The following ANKRD55 variants were observed in gnomAD, a reference collection of about 807,000 sequenced individuals.
ANKRD55 encodes the protein ankyrin repeat domain-containing protein 55.
ANKRD55 carries 41 observed loss-of-function variants against 60.6 expected under a neutral mutation model. The ratio of observed to expected loss-of-function variants is 0.68; its 90% CI spans 0.53 to 0.88. The LOEUF (loss-of-function observed/expected upper bound fraction) is 0.88, where lower values mean the gene tolerates loss of function less well. Among genes scored for constraint, ANKRD55 ranks in the 40% least tolerant of loss-of-function variants. The pLI, the probability that ANKRD55 is intolerant of heterozygous loss-of-function variation, is 0.00. For missense variants in ANKRD55, 732 were observed against 767.6 expected (o/e 0.95, Z 0.55); for synonymous variants, 264 against 290.3 (o/e 0.91, Z 0.92).
At position 56,182,160 on chromosome 5, in the gene ANKRD55, A is replaced by C. The variant is rs1325625372; in HGVS notation, c.181+1352T>G. On this transcript the variant is annotated intron_variant, in intron 3 of 11. Transcript: ENST00000341048. ...TGAGGTGGCTCATATCTATAATCTT[A>C]GCACTTTGGGAGGCCAAGGTGGGAG... 2.0e-5 allele frequency among the ~76,000 whole-genome samples: 3 copies of C among 152,176 alleles called. 1 individual carries two copies.
At chr5:56,166,778 A>T (rs555517323) in intron 5 of ANKRD55, among the ~76,000 whole-genome samples, 5 of 129,546 alleles carry the variant, frequency 3.9e-5, no homozygotes, top group African/African-American at 1.4e-4. Flanking sequence ...TAGTAAAATT[A>T]AAAAAAATGA....
chr5:56,145,802 C>G (rs745758293), intron 6 of ANKRD55, among the ~76,000 whole-genome samples: 1 of 152,126 alleles, frequency 6.6e-6, no homozygotes, highest in South Asian at 2.1e-4. Context: ...TATCATATGA[C>G]AGTGAACCTC....
At chr5:56,169,571 C>T (rs1444059780) in intron 5 of ANKRD55, among the ~76,000 whole-genome samples, 4 of 151,858 alleles carry the variant, frequency 2.6e-5, no homozygotes, top group Admixed American at 1.3e-4. Flanking sequence ...TCTGTTATTT[C>T]TGGACATAGT....
At chr5:56,176,693 G>C (rs1216295065) in intron 3 of ANKRD55, among the ~76,000 whole-genome samples, 1 of 152,108 alleles carries the variant, frequency 6.6e-6, no homozygotes, top group African/African-American at 2.4e-5. Flanking sequence ...AGGTGTTAAG[G>C]GGCAGCAACA....
chr5:56,192,040 C>A (rs1204820906), intron 2 of ANKRD55, among the ~76,000 whole-genome samples: 5 of 151,860 alleles, frequency 3.3e-5, no homozygotes, highest in African/African-American at 1.2e-4. Flanking sequence ...CAATCAGAAA[C>A]CCACTTATTA....
chr5:56,228,621 C>T (rs1760175111), intron 2 of ANKRD55, among the ~76,000 whole-genome samples: 6 of 152,048 alleles, frequency 3.9e-5, no homozygotes, highest in Admixed American at 3.9e-4. Flanking sequence ...GACAGGGTTT[C>T]ACCATGTTGG....
At chr5:56,217,673 T>C (rs1418145338) in intron 2 of ANKRD55, among the ~76,000 whole-genome samples, 1 of 152,108 alleles carries the variant, frequency 6.6e-6, no homozygotes, top group Non-Finnish European at 1.5e-5. Context: ...GGCGGGTGTA[T>C]CATGAAGTCA....
In ANKRD55 at chr5:56,100,121, T is replaced by C; in HGVS notation, c.*62A>G. 6.2e-7 allele frequency: 1 copy of C among 1,610,084 alleles called. No homozygotes were observed. Among genetic ancestry groups the C allele is most frequent in the Non-Finnish European group, 8.5e-7 (1 of 1,177,148 alleles). On this transcript the variant is annotated 3_prime_UTR_variant, in exon 12 of 12. Transcript: ENST00000341048. Reference sequence around the variant, plus strand: ...TCTTCGTTCTTACAAACTGGAGTAATCTTGTCCTTTGAGAGTTGAAAATAC... The same window carrying C: ...TCTTCGTTCTTACAAACTGGAGTAACCTTGTCCTTTGAGAGTTGAAAATAC...
chr5:56,206,251 A>T (rs1384102669), intron 2 of ANKRD55, among the ~76,000 whole-genome samples: 2 of 152,090 alleles, frequency 1.3e-5, no homozygotes, highest in African/African-American at 4.8e-5. Context: ...TGCTGGGATT[A>T]CAAGCATGAG....
In ANKRD55 at chr5:56,111,297, G is replaced by A; in HGVS notation, c.1451C>T (p.Thr484Ile). 1 of 1,614,162 alleles carries A rather than the reference G, an allele frequency of 6.2e-7. No homozygotes were observed. The highest frequency in any genetic ancestry group is 8.5e-7 in the Non-Finnish European group (1 of 1,180,038). The change falls in exon 10 of 12, where the codon ACT (threonine) becomes ATT (isoleucine). Residue 484 changes from threonine (T) to isoleucine (I), a missense_variant. Thr to Ile is a moderately conservative substitution (Grantham distance 89, BLOSUM62 -1). Transcript: ENST00000341048. ...RSEQDLLNNR[T>I]GCQMLLDNPW... is the part of the protein sequence containing the mutation. ...GTTATCTAGTAACATCTGGCAGCCA[G>A]TTCTGTTATTTAATAAATCCTGCTC...
At chr5:56,202,996 CTT>C (rs1759414952) in intron 2 of ANKRD55, among the ~76,000 whole-genome samples, 1 of 152,096 alleles carries the variant, frequency 6.6e-6, no homozygotes, top group African/African-American at 2.4e-5. Context: ...TTAAAAATAT[CTT>C]AATCTTTATG....
Position 56,111,706 on chromosome 5 carries a change from G to C in ANKRD55, c.1042C>G (p.Gln348Glu), listed in dbSNP as rs551715515. 1 of 1,521,832 alleles carries C rather than the reference G, an allele frequency of 6.6e-7. No individual in the cohort carries two copies. Among genetic ancestry groups the C allele is most frequent in the Non-Finnish European group, 8.8e-7 (1 of 1,140,066 alleles). 94.3% of individuals were successfully genotyped at this position (1,521,832 alleles called of 1,614,324 possible). Residue 348 changes from glutamine (Q) to glutamate (E), a missense_variant, in exon 10 of 12, where the codon CAA (glutamine) becomes GAA (glutamate). By Grantham distance (29) the Gln-to-Glu change is conservative. Transcript: ENST00000341048. ...KKERRFNVLN[Q>E]IFCKNKKEEQ... ...TCTTTCTTGTTTTTGCAGAATATTT[G>C]GTTGAGCACGTTGAACCGTCTCTCC...
At chr5:56,165,649 G>A (rs567991883) in intron 5 of ANKRD55, among the ~76,000 whole-genome samples, 3 of 152,148 alleles carry the variant, frequency 2.0e-5, no homozygotes, top group Admixed American at 2.0e-4. Flanking sequence ...TACTTACTTC[G>A]CCAGGTGTGG....
At chr5:56,129,737 T>C (rs952334190) in intron 7 of ANKRD55, among the ~76,000 whole-genome samples, 2 of 152,202 alleles carry the variant, frequency 1.3e-5, no homozygotes, top group Non-Finnish European at 2.9e-5. Flanking sequence ...GGTTTCTTCT[T>C]GGCAGGAACT....
At chr5:56,184,820 C>G (rs768017029) in intron 2 of ANKRD55, among the ~76,000 whole-genome samples, 1 of 151,524 alleles carries the variant, frequency 6.6e-6, no homozygotes, top group Non-Finnish European at 1.5e-5. Flanking sequence ...ATTGCTTGAG[C>G]CCCAGAGTTC....
At chr5:56,122,495 A>C (rs1251348114) in intron 8 of ANKRD55, among the ~76,000 whole-genome samples, 1 of 151,654 alleles carries the variant, frequency 6.6e-6, no homozygotes, top group Non-Finnish European at 1.5e-5. Flanking sequence ...TACTAAAAAA[A>C]AAACAAACCC....
intron 5 of ANKRD55, among the ~76,000 whole-genome samples, chr5:56,167,669 A>G (rs1758515832): frequency 1.3e-5 from 2 of 152,214 alleles, no homozygotes; most frequent in Admixed American, 1.3e-4. Flanking sequence ...TAACTACGTC[A>G]TCTGCACACA....
chr5:56,110,338 G>T (rs1269164497), intron 10 of ANKRD55, among the ~76,000 whole-genome samples: 1 of 152,014 alleles, frequency 6.6e-6, no homozygotes, highest in Non-Finnish European at 1.5e-5. Context: ...GACAGAGGCT[G>T]CAGTGAGCCA....
At chr5:56,216,351 C>T (rs915639534) in intron 2 of ANKRD55, among the ~76,000 whole-genome samples, 2 of 152,106 alleles carry the variant, frequency 1.3e-5, no homozygotes, top group African/African-American at 4.8e-5. Flanking sequence ...CTCCTTATTC[C>T]TTGAGACACA....
Sources: gnomAD v4.1 joint callset for allele counts (sites outside exome capture counted in the v4.1 genomes callset) on GRCh38, gnomAD v4.1.1 for gene constraint, MANE v1.5 for transcripts, NCBI Gene and HGNC (gene_info 2026-07-23, HGNC 2026-07-21) for gene names.